The following SORCS2 variants were observed in gnomAD, a reference collection of about 807,000 sequenced individuals.
SORCS2 encodes sortilin related VPS10 domain containing receptor 2.
Under a neutral mutation model 141.6 loss-of-function variants are expected in SORCS2, and 100 were observed. That is an observed-to-expected ratio of 0.71 (90% CI 0.60 to 0.83). The LOEUF (loss-of-function observed/expected upper bound fraction) is 0.83. Among genes scored for constraint, SORCS2 ranks in the 40% least tolerant of loss-of-function variants. SORCS2 has a pLI of 0.00. For missense variants in SORCS2, 1,646 were observed against 1,560.2 expected, an observed-to-expected ratio of 1.05 and a Z score of -0.93; for synonymous variants, 789 against 676.9, an observed-to-expected ratio of 1.17 and a Z score of -2.57.
At chr4:7,676,333 C>T in intron 9 of SORCS2, 104 bp downstream of exon 9, 1 of 1,290,966 alleles carries the variant, frequency 7.7e-7, no homozygotes. Flanking sequence ...GTCTATATAG[C>T]TGTCTCAAGG....
At chr4:7,654,402 G>A (rs181159647) in intron 5 of SORCS2, among the ~76,000 whole-genome samples, 195 bp downstream of exon 5, 56 of 152,278 alleles carry the variant, frequency 3.7e-4, no homozygotes, top group Admixed American at 3.4e-3. Flanking sequence ...ACCCGCAGTC[G>A]TTCTTCCTGC....
intron 2 of SORCS2, among the ~76,000 whole-genome samples, chr4:7,478,987 C>T (rs567214947): frequency 2.0e-5 from 3 of 152,296 alleles, no homozygotes; most frequent in African/African-American, 7.2e-5. Context: ...AAAATGACTT[C>T]CGAGGGTTCC....
chr4:7,698,800 G>A lies in SORCS2; in HGVS notation c.1668+1526G>A, dbSNP rs142411927. ...GCCTGGCTGGCGGTACAGGACAGGC[G>A]CCCAAGGGGCAGGCCTGTGCGTGTG... On this transcript the variant is annotated intron_variant, in intron 12 of 26. Transcript: ENST00000507866. 3.1e-4 allele frequency among the ~76,000 whole-genome samples: 47 copies of A among 152,312 alleles called. 2 individuals carry two copies. The highest frequency in any genetic ancestry group is 1.4e-3 in the Admixed American group (21 of 15,312).
At chr4:7,328,892 C>T (rs1188148471) in intron 1 of SORCS2, among the ~76,000 whole-genome samples, 2 of 152,232 alleles carry the variant, frequency 1.3e-5, no homozygotes, top group Admixed American at 6.5e-5. Flanking sequence ...CACTTGCCGG[C>T]ACCCTTGGCA....
intron 19 of SORCS2, among the ~76,000 whole-genome samples, chr4:7,724,420 ATGG>A (rs1216369673): frequency 8.2e-5 from 9 of 109,452 alleles, no homozygotes; most frequent in South Asian, 3.2e-4. Flanking sequence ...GTGGGAATGG[ATGG>A]TGGTGGTGAT....
chr4:7,684,354 G>A (rs553335056), intron 10 of SORCS2, among the ~76,000 whole-genome samples: 27 of 152,338 alleles, frequency 1.8e-4, no homozygotes, highest in African/African-American at 6.3e-4. Flanking sequence ...CTGACATGGA[G>A]CAATCTGCAA....
intron 3 of SORCS2, among the ~76,000 whole-genome samples, chr4:7,587,905 C>G (rs776796700): frequency 6.6e-6 from 1 of 152,190 alleles, no homozygotes; most frequent in African/African-American, 2.4e-5. Flanking sequence ...GTAGCAACAA[C>G]AAAAAGATGG....
At chr4:7,590,166 G>A (rs1203251166) in intron 3 of SORCS2, among the ~76,000 whole-genome samples, 1 of 152,214 alleles carries the variant, frequency 6.6e-6, no homozygotes, top group Non-Finnish European at 1.5e-5. Flanking sequence ...CCTTGTTTAT[G>A]AAGAAGAAAC....
rs375962255 is a variant in SORCS2 at position 7,664,338 on chromosome 4, G to C, written c.953-15G>C. 3 of 1,607,146 alleles carry C rather than the reference G, an allele frequency of 1.9e-6. No homozygotes were observed. In the Admixed American group the frequency reaches 5.0e-5, roughly 27 times the overall value. ...CTGGAGTCTGACCGCCTGGGTCGGCGCCTCTCTCCTGTAGATTTTCGGTAC... is the reference window on the plus strand; with the variant it reads ...CTGGAGTCTGACCGCCTGGGTCGGCCCCTCTCTCCTGTAGATTTTCGGTAC... On this transcript the variant is annotated splice_polypyrimidine_tract_variant and intron_variant, in intron 6 of 26. Coordinates refer to ENST00000507866, the MANE Select transcript of SORCS2 (RefSeq NM_020777.3). The surrounding 1 kb of genome is among the most constrained non-coding windows in gnomAD (Gnocchi z 4.7).
At position 7,286,672 on chromosome 4, in the gene SORCS2, G is replaced by C. The variant is rs1716246993; in HGVS notation, c.480+93546G>C. 6.6e-6 allele frequency among the ~76,000 whole-genome samples: 1 copy of C among 152,176 alleles called. No individual in the cohort carries two copies. Among genetic ancestry groups the C allele is most frequent in the African/African-American group, 2.4e-5 (1 of 41,430 alleles). ...TGGTTGCAAGGGTGAGAGAGAGCTGGGACTCGACTCTGGGCCTCCTGCCTT... is the reference window on the plus strand; with the variant it reads ...TGGTTGCAAGGGTGAGAGAGAGCTGCGACTCGACTCTGGGCCTCCTGCCTT... On this transcript the variant is annotated intron_variant, in intron 1 of 26. Coordinates refer to ENST00000507866, the MANE Select transcript of SORCS2 (RefSeq NM_020777.3). The surrounding 1 kb of genome is among the most constrained non-coding windows in gnomAD (Gnocchi z 4.1).
chr4:7,620,166 C>G (rs1182396555), intron 3 of SORCS2, among the ~76,000 whole-genome samples: 2 of 152,146 alleles, frequency 1.3e-5, no homozygotes, highest in Non-Finnish European at 2.9e-5. Context: ...TCTTTTGGAG[C>G]AGAATGATAC....
intron 1 of SORCS2, among the ~76,000 whole-genome samples, chr4:7,371,600 G>A (rs1722252778): frequency 6.6e-6 from 1 of 152,200 alleles, no homozygotes; most frequent in African/African-American, 2.4e-5. Context: ...AGAGGAGCCA[G>A]CACACTGTGA....
rs796871934 is a variant in SORCS2, at chr4:7,263,943, CTCACTCACTCAT to C, written c.480+70827_480+70838del. Among the ~76,000 whole-genome samples, 184 of 152,324 alleles carry C rather than the reference CTCACTCACTCAT, an allele frequency of 1.2e-3. 1 individual carries two copies. Among genetic ancestry groups the C allele is most frequent in the African/African-American group, 4.3e-3 (180 of 41,580 alleles). On this transcript the variant is annotated intron_variant, in intron 1 of 26. Transcript: ENST00000507866. ...CAAGCTGGTGAACTTCATTCATTCA[CTCACTCACTCAT>C]TCACTCACTGACTCATTCATTCACT...
At chr4:7,661,817 T>C (rs557247496) in intron 6 of SORCS2, among the ~76,000 whole-genome samples, 199 of 152,278 alleles carry the variant, frequency 1.3e-3, no homozygotes, top group African/African-American at 4.5e-3. Flanking sequence ...ATTGAGTGTT[T>C]CCCACTCACT....
chr4:7,269,354 C>T (rs2108838922), intron 1 of SORCS2, among the ~76,000 whole-genome samples: 1 of 152,328 alleles, frequency 6.6e-6, no homozygotes, highest in African/African-American at 2.4e-5. Context: ...GACATGCGGC[C>T]AGGTGATGTG....
intron 9 of SORCS2, among the ~76,000 whole-genome samples, chr4:7,681,525 A>G (rs541923520): frequency 3.3e-5 from 5 of 152,368 alleles, no homozygotes; most frequent in African/African-American, 1.2e-4. Flanking sequence ...GCCTCCAGAA[A>G]GGAATGCGAT....
chr4:7,403,959 GTGTA>G (rs1339118116), intron 2 of SORCS2, among the ~76,000 whole-genome samples: 6 of 13,020 alleles, frequency 4.6e-4, no homozygotes, highest in East Asian at 3.5e-3. Context: ...GCCTCCATGT[GTGTA>G]TATATATATA....
At chr4:7,273,749 G>A (rs189024913) in intron 1 of SORCS2, among the ~76,000 whole-genome samples, 55 of 152,356 alleles carry the variant, frequency 3.6e-4, no homozygotes, top group Non-Finnish European at 7.3e-4. Flanking sequence ...ACATCCAGGG[G>A]TAAAAGCTGG....
intron 2 of SORCS2, among the ~76,000 whole-genome samples, chr4:7,426,669 C>T (rs1726465239): frequency 6.6e-6 from 1 of 152,118 alleles, no homozygotes. Flanking sequence ...TCGATGCGGT[C>T]ACCTCATTTC....
Sources: allele counts gnomAD v4.1 joint callset (sites outside exome capture counted in the v4.1 genomes callset), GRCh38; gene constraint gnomAD v4.1.1; non-coding constraint Gnocchi (gnomAD v3.1); transcripts MANE v1.5; gene names NCBI Gene and HGNC (gene_info 2026-07-23, HGNC 2026-07-21).